The following DAB1 variants were observed in gnomAD, a reference collection of about 807,000 sequenced individuals.
The protein encoded by DAB1 is disabled homolog 1.
In DAB1, 15 loss-of-function variants were observed where a neutral mutation model predicts 64.6. The ratio of observed to expected loss-of-function variants is 0.23; its 90% CI spans 0.16 to 0.36. The LOEUF (loss-of-function observed/expected upper bound fraction) is 0.36. DAB1 is among the 10% of genes least tolerant of loss of function. The pLI is 1.00. For synonymous variants in DAB1, 235 were observed against 251.9 expected (o/e 0.93, Z 0.64); for missense variants, 596 against 706.7 (o/e 0.84, Z 1.78).
chr1:57,716,540 A>G (rs1647086304), intron 6 of DAB1, among the ~76,000 whole-genome samples: 1 of 152,218 alleles, frequency 6.6e-6, no homozygotes, highest in African/African-American at 2.4e-5. Flanking sequence ...CCACATGCAG[A>G]AGAAAGAAAA....
At chr1:58,282,690 C>A (rs1231837836) in intron 4 of DAB1, among the ~76,000 whole-genome samples, 3 of 151,528 alleles carry the variant, frequency 2.0e-5, no homozygotes, top group Non-Finnish European at 4.4e-5. Context: ...CTCTGAAGGA[C>A]CATCAAAAGT....
intron 4 of DAB1, among the ~76,000 whole-genome samples, chr1:58,300,602 A>AAGAG (rs1415601253): frequency 2.5e-5 from 1 of 39,294 alleles, no homozygotes; most frequent in African/African-American, 8.4e-5. Flanking sequence ...GAAAGAAAGA[A>AAGAG]AGAAAGAAAG....
chr1:58,313,129 A>C (rs917861757), intron 4 of DAB1, among the ~76,000 whole-genome samples: 5 of 152,104 alleles, frequency 3.3e-5, no homozygotes, highest in African/African-American at 1.2e-4. Flanking sequence ...TCTTTAAATT[A>C]GGCTGACCCA....
chr1:57,481,051 C>T (rs1644012927), intron 7 of DAB1, among the ~76,000 whole-genome samples: 1 of 152,192 alleles, frequency 6.6e-6, no homozygotes, highest in South Asian at 2.1e-4. Flanking sequence ...TTGAGTCATT[C>T]AGTCTCACTA....
chr1:57,142,427 T>C (rs1177102228), intron 3 of DAB1, among the ~76,000 whole-genome samples: 1 of 152,106 alleles, frequency 6.6e-6, no homozygotes, highest in Non-Finnish European at 1.5e-5. Context: ...AGCTGAAATG[T>C]CAACATTCTT....
intron 7 of DAB1, among the ~76,000 whole-genome samples, chr1:57,597,598 T>G (rs1300711698): frequency 6.6e-6 from 1 of 152,236 alleles, no homozygotes; most frequent in Non-Finnish European, 1.5e-5. Flanking sequence ...AAGGTACATT[T>G]TATGAGCTAA....
intron 7 of DAB1, among the ~76,000 whole-genome samples, chr1:57,639,847 C>T (rs1646106500): frequency 6.6e-6 from 1 of 152,162 alleles, no homozygotes; most frequent in African/African-American, 2.4e-5. Context: ...GCTGAAAACA[C>T]AAACCATACA....
intron 2 of DAB1, among the ~76,000 whole-genome samples, chr1:57,260,937 C>A (rs1209582036): frequency 1.3e-5 from 2 of 152,154 alleles, no homozygotes; most frequent in Non-Finnish European, 2.9e-5. Context: ...CTAGCTCTGC[C>A]ATCTTCTGCT....
intron 1 of DAB1, among the ~76,000 whole-genome samples, chr1:57,300,992 G>A (rs17115566): frequency 0.016 from 2,420 of 151,774 alleles, 50 homozygotes; most frequent in African/African-American, 0.056. Context: ...AATCACCCAG[G>A]GACCAAGGGC....
intron 4 of DAB1, among the ~76,000 whole-genome samples, chr1:58,199,348 T>C (rs1034572902): frequency 6.6e-6 from 1 of 152,220 alleles, no homozygotes; most frequent in Admixed American, 6.5e-5. Context: ...AGCTCTAGTT[T>C]ATATATTCCT....
chr1:57,447,657 C>T (rs573926922), intron 7 of DAB1, among the ~76,000 whole-genome samples: 8 of 152,288 alleles, frequency 5.3e-5, no homozygotes, highest in Non-Finnish European at 1.0e-4. Context: ...GCCTTTGTTT[C>T]AAATCGTATA....
intron 5 of DAB1, among the ~76,000 whole-genome samples, chr1:58,016,983 T>C (rs972559277): frequency 1.3e-5 from 2 of 152,196 alleles, no homozygotes; most frequent in African/African-American, 4.8e-5. Context: ...TATTATTCTC[T>C]GTTATTCGTA....
chr1:58,031,594 T>C (rs1243867316), intron 5 of DAB1, among the ~76,000 whole-genome samples: 3 of 152,174 alleles, frequency 2.0e-5, no homozygotes, highest in Admixed American at 6.5e-5. Context: ...GACCAACTAT[T>C]ACACAAATGC....
intron 3 of DAB1, among the ~76,000 whole-genome samples, chr1:58,494,030 A>T (rs983638942): frequency 1.2e-3 from 184 of 152,142 alleles, no homozygotes; most frequent in African/African-American, 4.2e-3. Flanking sequence ...CTACAAGGCT[A>T]CAGTAACCAA....
Position 58,345,468 on chromosome 1 carries a change from CA to C in DAB1, n.258-2066del, listed in dbSNP as rs200968918. 9.2e-5 allele frequency among the ~76,000 whole-genome samples: 14 copies of C among 152,316 alleles called. No homozygotes were observed. In the East Asian group the frequency reaches 2.7e-3, roughly 29 times the overall value. ...CCTGAAATCAATATTCCCTCAGTAA[CA>C]AATTCAGCAGGGATGCCTCCATTCC... On this transcript the variant is annotated intron_variant and non_coding_transcript_variant, in intron 3 of 20. Coordinates refer to the DAB1 transcript ENST00000485760.
chr1:58,209,262 G>A (rs1478943767), intron 4 of DAB1, among the ~76,000 whole-genome samples: 3 of 152,176 alleles, frequency 2.0e-5, no homozygotes, highest in African/African-American at 7.2e-5. Context: ...AATCCAATGA[G>A]AGATAAGCTT....
At chr1:57,711,635 A>G (rs1372669857) in intron 6 of DAB1, among the ~76,000 whole-genome samples, 1 of 152,224 alleles carries the variant, frequency 6.6e-6, no homozygotes, top group Non-Finnish European at 1.5e-5. Flanking sequence ...GTAGGTTGTT[A>G]GAAAGACAGA....
intron 4 of DAB1, among the ~76,000 whole-genome samples, chr1:57,118,498 T>A (rs921894319): frequency 6.6e-6 from 1 of 152,172 alleles, no homozygotes; most frequent in South Asian, 2.1e-4. Flanking sequence ...CAGGGATGTA[T>A]ACGTAGCTCC....
intron 4 of DAB1, among the ~76,000 whole-genome samples, chr1:58,313,819 A>ATG (rs35817738): frequency 0.094 from 11,284 of 119,660 alleles, 638 homozygotes; most frequent in African/African-American, 0.14. Flanking sequence ...TTGTATCTTC[A>ATG]TGTGTGTGTG....
Sources: gnomAD v4.1 joint callset for allele counts (sites outside exome capture counted in the v4.1 genomes callset) on GRCh38, gnomAD v4.1.1 for gene constraint, MANE v1.5 for transcripts, NCBI Gene and HGNC (gene_info 2026-07-23, HGNC 2026-07-21) for gene names.